Variants in ASIC2 observed in about 807,000 individuals in gnomAD.
ASIC2 encodes acid-sensing ion channel 2.
A neutral mutation model predicts 57.3 loss-of-function variants in ASIC2; 25 were observed. The ratio of observed to expected loss-of-function variants is 0.44; its 90% CI spans 0.32 to 0.61. The LOEUF (loss-of-function observed/expected upper bound fraction) is 0.61, where lower values mean the gene tolerates loss of function less well. ASIC2 is among the 20% of genes least tolerant of loss of function. The pLI is 0.06. For synonymous variants in ASIC2, 319 were observed against 307.5 expected, an observed-to-expected ratio of 1.04 and a Z score of -0.39; for missense variants, 641 against 738.1, an observed-to-expected ratio of 0.87 and a Z score of 1.52.
chr17:33,090,498 C>G (rs1213313048), intron 2 of ASIC2, among the ~76,000 whole-genome samples: 1 of 151,926 alleles, frequency 6.6e-6, no homozygotes, highest in Non-Finnish European at 1.5e-5. Flanking sequence ...ATGGACAAGG[C>G]CAACCTGGAG....
At chr17:34,108,503 T>C (rs1011157987) in intron 1 of ASIC2, among the ~76,000 whole-genome samples, 3 of 152,188 alleles carry the variant, frequency 2.0e-5, no homozygotes, top group South Asian at 2.1e-4. Flanking sequence ...TATTACCCTA[T>C]AAGATTTCAA....
At chr17:33,904,610 G>C (rs1915308586) in intron 1 of ASIC2, among the ~76,000 whole-genome samples, 1 of 152,192 alleles carries the variant, frequency 6.6e-6, no homozygotes, top group Non-Finnish European at 1.5e-5. Context: ...GGAGTCTCAG[G>C]AGACATGATA....
chr17:33,077,544 G>A (rs1251838709), intron 3 of ASIC2, among the ~76,000 whole-genome samples: 1 of 152,108 alleles, frequency 6.6e-6, no homozygotes, highest in Non-Finnish European at 1.5e-5. Flanking sequence ...CTCAAAGAGG[G>A]AGAGAGAGAG....
At chr17:33,069,027 A>G (rs562147161) in intron 3 of ASIC2, among the ~76,000 whole-genome samples, 1 of 152,298 alleles carries the variant, frequency 6.6e-6, no homozygotes, top group East Asian at 1.9e-4. Context: ...AAATTTTTAT[A>G]TGATAGGTTT....
chr17:33,505,936 T>C (rs1245792981), intron 1 of ASIC2, among the ~76,000 whole-genome samples: 1 of 152,216 alleles, frequency 6.6e-6, no homozygotes, highest in Non-Finnish European at 1.5e-5. Flanking sequence ...CTTACTGGAC[T>C]TCAAGCTCCT....
chr17:33,784,043 A>AG (rs1418831364), intron 1 of ASIC2, among the ~76,000 whole-genome samples: 1 of 152,164 alleles, frequency 6.6e-6, no homozygotes, highest in South Asian at 2.1e-4. Flanking sequence ...AACCAAGCTC[A>AG]GGGGGGCCTG....
chr17:33,594,700 C>T (rs1263575079), intron 1 of ASIC2, among the ~76,000 whole-genome samples: 4 of 151,914 alleles, frequency 2.6e-5, no homozygotes, highest in Admixed American at 6.6e-5. Flanking sequence ...TGCTGGCGGG[C>T]GCCTGTAGTC....
At chr17:33,765,784 T>A (rs992097417) in intron 1 of ASIC2, among the ~76,000 whole-genome samples, 8 of 152,336 alleles carry the variant, frequency 5.3e-5, no homozygotes, top group African/African-American at 1.9e-4. Flanking sequence ...CAGATGGGGT[T>A]AGAGGATATT....
intron 1 of ASIC2, among the ~76,000 whole-genome samples, chr17:33,710,544 A>G (rs1334730220): frequency 6.6e-6 from 1 of 152,204 alleles, no homozygotes; most frequent in Non-Finnish European, 1.5e-5. Context: ...CCCAGAGGAG[A>G]TAATGCCAGA....
chr17:33,195,771 T>C (rs8075858), intron 1 of ASIC2, among the ~76,000 whole-genome samples: 39,408 of 152,048 alleles, frequency 0.26, 7,207 homozygotes, highest in African/African-American at 0.5. Context: ...AGGGTCATAG[T>C]TCTGGCCTGG....
At chr17:33,579,193 G>C (rs528318744) in intron 1 of ASIC2, among the ~76,000 whole-genome samples, 1 of 151,420 alleles carries the variant, frequency 6.6e-6, no homozygotes, top group East Asian at 1.9e-4. Flanking sequence ...GGCTGAGGCA[G>C]GAGAATCGCT....
intron 3 of ASIC2, among the ~76,000 whole-genome samples, chr17:33,083,413 G>C (rs890834135): frequency 6.6e-6 from 1 of 152,204 alleles, no homozygotes; most frequent in African/African-American, 2.4e-5. Context: ...TTCTGTGAGT[G>C]CTCCAAGACA....
intron 1 of ASIC2, among the ~76,000 whole-genome samples, chr17:33,717,877 A>T (rs1430814406): frequency 6.6e-6 from 1 of 152,242 alleles, no homozygotes; most frequent in Non-Finnish European, 1.5e-5. Flanking sequence ...AATAAATGGT[A>T]GATCTTCTTA....
intron 1 of ASIC2, among the ~76,000 whole-genome samples, chr17:34,048,633 T>C (rs751438362): frequency 6.6e-6 from 1 of 152,226 alleles, no homozygotes; most frequent in African/African-American, 2.4e-5. Context: ...CTTGGACATA[T>C]TACATAACTG....
intron 2 of ASIC2, among the ~76,000 whole-genome samples, chr17:33,110,024 T>C (rs1468685528): frequency 2.6e-5 from 4 of 151,368 alleles, no homozygotes; most frequent in Admixed American, 2.0e-4. Context: ...GATGGGGGTC[T>C]GGTACTGAGA....
chr17:33,289,778 G>A (rs1263368249), intron 1 of ASIC2, among the ~76,000 whole-genome samples: 1 of 152,192 alleles, frequency 6.6e-6, no homozygotes, highest in Non-Finnish European at 1.5e-5. Flanking sequence ...CAAAGCAATA[G>A]TCAGATTTTC....
chr17:33,474,757 G>C (rs1252471626), intron 1 of ASIC2, among the ~76,000 whole-genome samples: 1 of 152,194 alleles, frequency 6.6e-6, no homozygotes, highest in Non-Finnish European at 1.5e-5. Context: ...TATGGCAGAG[G>C]GCAAGGTGAC....
chr17:33,252,822 T>C (rs1908931866), intron 1 of ASIC2, among the ~76,000 whole-genome samples: 2 of 152,306 alleles, frequency 1.3e-5, no homozygotes, highest in South Asian at 4.1e-4. Flanking sequence ...CATTGGGCTA[T>C]GGCCACATCT....
At chr17:33,018,626 C>T (rs1398308655) in intron 7 of ASIC2, among the ~76,000 whole-genome samples, 1 of 152,214 alleles carries the variant, frequency 6.6e-6, no homozygotes, top group Non-Finnish European at 1.5e-5. Context: ...GAGCCGAGGG[C>T]TCTGAGGCTC....
Sources: gnomAD v4.1 joint callset for allele counts (sites outside exome capture counted in the v4.1 genomes callset) on GRCh38, gnomAD v4.1.1 for gene constraint, MANE v1.5 for transcripts, NCBI Gene and HGNC (gene_info 2026-07-23, HGNC 2026-07-21) for gene names.